The following ULK4 variants were observed in gnomAD, a reference collection of about 807,000 sequenced individuals.
The protein encoded by ULK4 is unc-51 like kinase 4.
Under a neutral mutation model 160.6 loss-of-function variants are expected in ULK4, and 133 were observed. The ratio of observed to expected loss-of-function variants is 0.83; its 90% CI spans 0.72 to 0.96. The LOEUF (loss-of-function observed/expected upper bound fraction) is 0.96, where lower values mean the gene tolerates loss of function less well. Ranked by LOEUF, ULK4 falls within the 40% of genes least tolerant of loss-of-function variation. ULK4 has a pLI of 0.00. For missense variants in ULK4, 1,580 were observed against 1,499.5 expected (o/e 1.05, Z -0.89); for synonymous variants, 534 against 539.8 (o/e 0.99, Z 0.15).
At chr3:41,858,155 T>TG (rs1426106383) in intron 17 of ULK4, among the ~76,000 whole-genome samples, 29 of 142,786 alleles carry the variant, frequency 2.0e-4, no homozygotes. Context: ...TTGTTTTTTT[T>TG]TTTTTTTTTT....
At chr3:41,815,884 AC>A (rs543096855) in intron 19 of ULK4, among the ~76,000 whole-genome samples, 106 of 152,298 alleles carry the variant, frequency 7.0e-4, no homozygotes, top group African/African-American at 2.4e-3. Flanking sequence ...AATGTAATAG[AC>A]TCTCTTAGTG....
chr3:41,412,257 A>G (rs1425389792), intron 34 of ULK4, among the ~76,000 whole-genome samples: 1 of 151,752 alleles, frequency 6.6e-6, no homozygotes, highest in Non-Finnish European at 1.5e-5. Context: ...TGCATGAAAA[A>G]TACAAAATAT....
At chr3:41,587,076 T>C (rs1028786965) in intron 31 of ULK4, among the ~76,000 whole-genome samples, 4 of 152,186 alleles carry the variant, frequency 2.6e-5, no homozygotes, top group Non-Finnish European at 5.9e-5. Context: ...AGAGGCTCCA[T>C]GGAAGAATCC....
rs766254000 is a variant in ULK4, at chr3:41,398,242, A to G, written c.3515T>C (p.Ile1172Thr). 3 of 1,612,626 alleles carry G rather than the reference A, an allele frequency of 1.9e-6. No homozygotes were observed. The highest frequency in any genetic ancestry group is 4.5e-5 in the East Asian group (2 of 44,846). Residue 1172 changes from isoleucine (I) to threonine (T), a missense_variant, in exon 35 of 37, where the codon ATT becomes ACT. Physicochemically the swap from Ile to Thr is moderately conservative, Grantham distance 89 (BLOSUM62 -1). Coordinates refer to ENST00000301831, the MANE Select transcript of ULK4 (RefSeq NM_017886.4). ...CAGGCACTTGGATGAAACATCAAAA[A>G]TCTCAGGATCTTCATTAGGAAGCTG... ...IPLLPNEDPEIFDVSSKCLSI... is the reference protein window; with the variant it reads ...IPLLPNEDPETFDVSSKCLSI...
chr3:41,356,013 C>T (rs1203861251), intron 35 of ULK4, among the ~76,000 whole-genome samples: 1 of 152,152 alleles, frequency 6.6e-6, no homozygotes, highest in Non-Finnish European at 1.5e-5. Context: ...CAGATAAGCA[C>T]CTGGATATGT....
chr3:41,539,182 C>T (rs926553284), intron 32 of ULK4, among the ~76,000 whole-genome samples: 8 of 117,892 alleles, frequency 6.8e-5, no homozygotes, highest in African/African-American at 1.6e-4. Flanking sequence ...CCATGTTGTT[C>T]AAGGGTCAAC....
chr3:41,748,982 C>T (rs2038520096), intron 22 of ULK4, among the ~76,000 whole-genome samples: 3 of 152,106 alleles, frequency 2.0e-5, no homozygotes, highest in Admixed American at 6.5e-5. Context: ...CCCACCATCC[C>T]GGCTATTCAA....
intron 17 of ULK4, among the ~76,000 whole-genome samples, chr3:41,857,054 A>G (rs2125679678): frequency 6.6e-6 from 1 of 152,230 alleles, no homozygotes; most frequent in Admixed American, 6.5e-5. Flanking sequence ...TTTGTGCAAG[A>G]GGGTTTGTAA....
Position 41,424,835 on chromosome 3 carries a change from A to G in ULK4, c.3493-26571T>C, listed in dbSNP as rs1220428684. ...CTCACAAAGATAAGAAATCATCAAA[A>G]AAAAAAAAAAAAAAAAAAAGGCTGA... is the stretch of plus-strand genomic sequence containing the variant. On this transcript the variant is annotated intron_variant, in intron 34 of 36. Coordinates refer to ENST00000301831, the MANE Select transcript of ULK4 (RefSeq NM_017886.4). Among the ~76,000 whole-genome samples, 162 of 144,038 alleles carry G rather than the reference A, an allele frequency of 1.1e-3. 5 individuals are homozygous for G. The South Asian group carries it at 0.037, about 33-fold the overall frequency. The allele number at this position is 144,038 out of a possible 152,430, so 94.5% of individuals were successfully genotyped here.
intron 25 of ULK4, among the ~76,000 whole-genome samples, chr3:41,712,664 T>C (rs1169840368): frequency 6.6e-6 from 1 of 152,008 alleles, no homozygotes; most frequent in East Asian, 1.9e-4. Context: ...CCAAGGTGGG[T>C]GGATTACTTG....
At chr3:41,289,846 T>C (rs992192608) in intron 35 of ULK4, among the ~76,000 whole-genome samples, 6 of 144,898 alleles carry the variant, frequency 4.1e-5, no homozygotes, top group Non-Finnish European at 7.6e-5. Context: ...TATGTATGTA[T>C]GTATGTATGT....
intron 23 of ULK4, 67 bp from the exon 24 acceptor site, chr3:41,715,635 T>C: frequency 1.2e-6 from 2 of 1,600,372 alleles, no homozygotes; most frequent in Admixed American, 3.4e-5. Flanking sequence ...CCACTGGTCA[T>C]TGCTTGAATA....
chr3:41,291,924 G>A (rs931975745), intron 35 of ULK4, among the ~76,000 whole-genome samples: 5 of 151,506 alleles, frequency 3.3e-5, no homozygotes, highest in African/African-American at 9.7e-5. Flanking sequence ...TCCGCCTCCC[G>A]GGTTCATGCC....
chr3:41,578,026 T>C (rs985634685), intron 31 of ULK4, among the ~76,000 whole-genome samples: 36 of 152,206 alleles, frequency 2.4e-4, no homozygotes, highest in African/African-American at 8.7e-4. Context: ...GAATAGGCTA[T>C]TCTGGAGCAA....
chr3:41,295,170 T>A (rs533337215), intron 35 of ULK4, among the ~76,000 whole-genome samples: 2 of 151,872 alleles, frequency 1.3e-5, no homozygotes, highest in Non-Finnish European at 2.9e-5. Context: ...TGATCTTTGA[T>A]GAAGAGCAAA....
intron 30 of ULK4, among the ~76,000 whole-genome samples, chr3:41,638,724 T>C (rs775550816): frequency 1.3e-5 from 2 of 152,202 alleles, no homozygotes; most frequent in African/African-American, 4.8e-5. Context: ...ATAACTGTCA[T>C]CACATAAAAT....
chr3:41,767,816 T>C (rs1424773753), intron 21 of ULK4, among the ~76,000 whole-genome samples: 1 of 152,138 alleles, frequency 6.6e-6, no homozygotes, highest in Non-Finnish European at 1.5e-5. Flanking sequence ...AAAAAGGTTA[T>C]TTTCTTCTGA....
At chr3:41,332,550 TAA>T (rs1163299903) in intron 35 of ULK4, among the ~76,000 whole-genome samples, 1 of 152,238 alleles carries the variant, frequency 6.6e-6, no homozygotes, top group Non-Finnish European at 1.5e-5. Flanking sequence ...GCAGGCAATA[TAA>T]AAGTCACTTA....
intron 35 of ULK4, among the ~76,000 whole-genome samples, chr3:41,389,378 G>T (rs564983862): frequency 6.6e-6 from 1 of 152,076 alleles, no homozygotes; most frequent in Non-Finnish European, 1.5e-5. Context: ...TCTCCTGCCT[G>T]ATTACCCTGG....
Sources: gnomAD v4.1 joint callset for allele counts (sites outside exome capture counted in the v4.1 genomes callset) on GRCh38, gnomAD v4.1.1 for gene constraint, MANE v1.5 for transcripts, NCBI Gene and HGNC (gene_info 2026-07-23, HGNC 2026-07-21) for gene names.